Variants in FMN1 observed in about 807,000 individuals in gnomAD.
FMN1 encodes formin 1, also known as formin-1.
Under a neutral mutation model 132.4 loss-of-function variants are expected in FMN1, and 110 were observed. The observed-to-expected ratio is 0.83, with a 90% CI of 0.71 to 0.97. FMN1 has a LOEUF of 0.97. FMN1 is among the 50% of genes least tolerant of loss of function. The pLI, the probability that FMN1 is intolerant of heterozygous loss-of-function variation, is 0.00. For synonymous variants in FMN1, 722 were observed against 651.7 expected (o/e 1.11, Z -1.64); for missense variants, 1,792 against 1,705.3 (o/e 1.05, Z -0.90).
At chr15:33,143,463 G>C in intron 4 of FMN1, among the ~76,000 whole-genome samples, 1 of 152,186 alleles carries the variant, frequency 6.6e-6, no homozygotes, top group Non-Finnish European at 1.5e-5. Flanking sequence ...AACTGACCCA[G>C]GTATACAATG....
At chr15:33,012,552 G>C (rs2034788974) in intron 6 of FMN1, 3 of 1,525,508 alleles carry the variant, frequency 2.0e-6, no homozygotes, top group East Asian at 2.2e-5. Flanking sequence ...GCAAGAAAAG[G>C]GGCTTTGCCT....
chr15:32,902,239 C>CTA (rs906920872), intron 12 of FMN1, among the ~76,000 whole-genome samples, 199 bp from the exon 13 acceptor site: 10 of 152,154 alleles, frequency 6.6e-5, no homozygotes, highest in Non-Finnish European at 1.5e-5. Flanking sequence ...TAAAGGAGTT[C>CTA]TAGCATGATG....
chr15:33,068,191 T>G, intron 5 of FMN1: 2 of 310,752 alleles, frequency 6.4e-6, no homozygotes, highest in Non-Finnish European at 1.1e-5. Context: ...TCCGTATTTA[T>G]TCCCGGGGAC....
At chr15:33,053,774 A>G (rs910459129) in intron 6 of FMN1, among the ~76,000 whole-genome samples, 1 of 152,174 alleles carries the variant, frequency 6.6e-6, no homozygotes, top group African/African-American at 2.4e-5. Flanking sequence ...GGTCTCCAGT[A>G]AAGGGAGTCT....
At chr15:33,097,056 G>A (rs2039111937) in intron 4 of FMN1, among the ~76,000 whole-genome samples, 1 of 152,160 alleles carries the variant, frequency 6.6e-6, no homozygotes, top group East Asian at 1.9e-4. Flanking sequence ...CACTTTGGGA[G>A]GCCGAGGTGG....
intron 16 of FMN1, among the ~76,000 whole-genome samples, chr15:32,882,240 G>A (rs1023765757): frequency 6.6e-6 from 1 of 152,190 alleles, no homozygotes; most frequent in Non-Finnish European, 1.5e-5. Context: ...CTTTTAGGGT[G>A]AGCCTGCAAA....
At chr15:32,781,185 A>C (rs559658205) in intron 19 of FMN1, among the ~76,000 whole-genome samples, 1 of 152,192 alleles carries the variant, frequency 6.6e-6, no homozygotes, top group Non-Finnish European at 1.5e-5. Flanking sequence ...TCTTCAAAAA[A>C]TCTTCAAAAT....
At chr15:33,107,518 G>A (rs2039532214) in intron 4 of FMN1, among the ~76,000 whole-genome samples, 1 of 151,976 alleles carries the variant, frequency 6.6e-6, no homozygotes, top group African/African-American at 2.4e-5. Flanking sequence ...CTTCATTCCA[G>A]CCACCCTCAC....
intron 17 of FMN1, among the ~76,000 whole-genome samples, chr15:32,816,089 A>G (rs1266330435): frequency 6.6e-6 from 1 of 152,248 alleles, no homozygotes; most frequent in Non-Finnish European, 1.5e-5. Flanking sequence ...TACCATCACT[A>G]TAATTCTTTG....
intron 19 of FMN1, among the ~76,000 whole-genome samples, chr15:32,796,921 G>A (rs1417592160): frequency 6.6e-6 from 1 of 152,158 alleles, no homozygotes; most frequent in Non-Finnish European, 1.5e-5. Flanking sequence ...CATCCTCACA[G>A]AGCATGGCTG....
intron 5 of FMN1, among the ~76,000 whole-genome samples, chr15:33,075,739 T>G (rs1010410860): frequency 1.3e-5 from 2 of 152,152 alleles, no homozygotes; most frequent in African/African-American, 2.4e-5. Context: ...ATGCTGAAAA[T>G]GAGACTAGGT....
At chr15:32,968,371 A>G (rs2031442701) in intron 8 of FMN1, among the ~76,000 whole-genome samples, 1 of 152,236 alleles carries the variant, frequency 6.6e-6, no homozygotes, top group Non-Finnish European at 1.5e-5. Context: ...TATGGAAATC[A>G]GGTTCAATTC....
At chr15:32,841,988 G>A (rs1238394568) in intron 17 of FMN1, among the ~76,000 whole-genome samples, 1 of 152,168 alleles carries the variant, frequency 6.6e-6, no homozygotes, top group Non-Finnish European at 1.5e-5. Flanking sequence ...GTGGTAGCTT[G>A]TCTCCAAGAT....
intron 6 of FMN1, among the ~76,000 whole-genome samples, chr15:33,036,444 T>G (rs1220481443): frequency 6.6e-6 from 1 of 152,244 alleles, no homozygotes; most frequent in Non-Finnish European, 1.5e-5. Context: ...CTTATTTCTG[T>G]TCATTCCAAA....
intron 6 of FMN1, among the ~76,000 whole-genome samples, chr15:33,042,334 T>C (rs571292361): frequency 7.9e-5 from 12 of 152,258 alleles, no homozygotes; most frequent in East Asian, 1.9e-4. Flanking sequence ...ATAAATTTAA[T>C]AGAATTCCAG....
At chr15:33,118,001 T>C (rs976858580) in intron 4 of FMN1, among the ~76,000 whole-genome samples, 3 of 152,178 alleles carry the variant, frequency 2.0e-5, no homozygotes, top group African/African-American at 7.2e-5. Flanking sequence ...CAAAGACTTT[T>C]GCATCAAAAT....
At chr15:32,960,230 G>A (rs1210250057) in intron 9 of FMN1, among the ~76,000 whole-genome samples, 1 of 152,162 alleles carries the variant, frequency 6.6e-6, no homozygotes, top group Admixed American at 6.5e-5. Flanking sequence ...CAACATGGCA[G>A]CAGGAGAGAG....
At chr15:33,020,531 T>G (rs1324991109) in intron 6 of FMN1, among the ~76,000 whole-genome samples, 1 of 151,410 alleles carries the variant, frequency 6.6e-6, no homozygotes, top group Non-Finnish European at 1.5e-5. Context: ...CCTGTAATCC[T>G]GGCTACTCAG....
chr15:32,789,866 C>A (rs1336161019), intron 19 of FMN1, among the ~76,000 whole-genome samples: 4 of 152,176 alleles, frequency 2.6e-5, no homozygotes, highest in African/African-American at 9.7e-5. Flanking sequence ...CAATTATATT[C>A]AGTACAGTAA....
Sources: gnomAD v4.1 joint callset for allele counts (sites outside exome capture counted in the v4.1 genomes callset) on GRCh38, gnomAD v4.1.1 for gene constraint, MANE v1.5 for transcripts, NCBI Gene and HGNC (gene_info 2026-07-23, HGNC 2026-07-21) for gene names.